Variants in DCDC2C observed in about 807,000 individuals in gnomAD.
DCDC2C encodes doublecortin domain-containing protein 2C.
In DCDC2C, 44 loss-of-function variants were observed where a neutral mutation model predicts 45.0. The observed-to-expected ratio is 0.98, with a 90% CI of 0.77 to 1.26. The LOEUF (loss-of-function observed/expected upper bound fraction) is 1.26, where lower values mean the gene tolerates loss of function less well. DCDC2C is among the 50% of genes most tolerant of loss of function. The pLI, the probability that DCDC2C is intolerant of heterozygous loss-of-function variation, is 0.00. For missense variants in DCDC2C, 447 were observed against 468.9 expected, an observed-to-expected ratio of 0.95 and a Z score of 0.43; for synonymous variants, 187 against 178.8, an observed-to-expected ratio of 1.05 and a Z score of -0.37.
At chr2:3,836,793 C>T (rs900307950) in intron 10 of DCDC2C, among the ~76,000 whole-genome samples, 5 of 146,752 alleles carry the variant, frequency 3.4e-5, no homozygotes, top group African/African-American at 7.6e-5. Flanking sequence ...ACCCGGGAGG[C>T]GGAGCTTGCA....
intron 10 of DCDC2C, among the ~76,000 whole-genome samples, chr2:3,825,841 A>C (rs992728814): frequency 6.6e-6 from 1 of 152,174 alleles, no homozygotes; most frequent in Non-Finnish European, 1.5e-5. Context: ...GTCTTGGCAA[A>C]TCATCGTTGA....
intron 2 of DCDC2C, among the ~76,000 whole-genome samples, chr2:3,723,901 A>G (rs541121030): frequency 1.3e-5 from 2 of 152,072 alleles, no homozygotes; most frequent in Admixed American, 6.6e-5. Context: ...CAGCAATTCT[A>G]TTTGAGCCAT....
chr2:3,751,097 A>G (rs565640124), intron 4 of DCDC2C, among the ~76,000 whole-genome samples: 9 of 152,166 alleles, frequency 5.9e-5, no homozygotes, highest in Non-Finnish European at 1.2e-4. Context: ...CATACCGGCA[A>G]TATCTGCCAT....
intron 2 of DCDC2C, among the ~76,000 whole-genome samples, chr2:3,723,375 G>A (rs777641375): frequency 2.0e-5 from 3 of 152,182 alleles, no homozygotes; most frequent in Non-Finnish European, 2.9e-5. Flanking sequence ...AGGAGCTGAC[G>A]TCGAAGTGAC....
intron 2 of DCDC2C, among the ~76,000 whole-genome samples, chr2:3,713,027 C>T (rs1216033826): frequency 6.6e-6 from 1 of 152,110 alleles, no homozygotes; most frequent in Non-Finnish European, 1.5e-5. Flanking sequence ...ATAAAGAGTT[C>T]AAGAAAGGTT....
intron 10 of DCDC2C, among the ~76,000 whole-genome samples, chr2:3,829,978 T>C (rs1671913606): frequency 1.3e-5 from 2 of 152,250 alleles, no homozygotes; most frequent in South Asian, 4.1e-4. Flanking sequence ...TGGAAGTGGC[T>C]GCCCTCTGTG....
At chr2:3,746,391 G>A (rs186787382) in intron 4 of DCDC2C, among the ~76,000 whole-genome samples, 73 of 152,310 alleles carry the variant, frequency 4.8e-4, no homozygotes, top group Non-Finnish European at 8.8e-4. Context: ...GGATGGGGAC[G>A]AGCACGACCC....
chr2:3,806,500 G>A (rs1428776808), intron 10 of DCDC2C, among the ~76,000 whole-genome samples: 1 of 151,936 alleles, frequency 6.6e-6, no homozygotes, highest in African/African-American at 2.4e-5. Context: ...CATTGACAAA[G>A]TGCATGAGCT....
At chr2:3,840,517 G>A (rs757650114) in intron 10 of DCDC2C, among the ~76,000 whole-genome samples, 6 of 152,300 alleles carry the variant, frequency 3.9e-5, no homozygotes, top group African/African-American at 1.2e-4. Context: ...GGCTTTCTGC[G>A]TAATAAAAGC....
chr2:3,717,916 T>C (rs11886426), intron 2 of DCDC2C, among the ~76,000 whole-genome samples: 77,285 of 152,080 alleles, frequency 0.51, 20,074 homozygotes, highest in African/African-American at 0.61. Context: ...TAGGTCTCAA[T>C]CTAACGGCCT....
At chr2:3,705,203 G>A (rs368638701) in intron 1 of DCDC2C, among the ~76,000 whole-genome samples, 1 of 152,188 alleles carries the variant, frequency 6.6e-6, no homozygotes, top group South Asian at 2.1e-4. Flanking sequence ...AATTCTTAGT[G>A]GCATTTGCAA....
At chr2:3,753,627 A>G (rs1430163502) in intron 5 of DCDC2C, among the ~76,000 whole-genome samples, 1 of 152,254 alleles carries the variant, frequency 6.6e-6, no homozygotes, top group African/African-American at 2.4e-5. Flanking sequence ...ATGGTGGAGC[A>G]GGACAGATGG....
Position 3,740,882 on chromosome 2 carries a change from A to G in DCDC2C, c.417-1038A>G, listed in dbSNP as rs183466204. Among the ~76,000 whole-genome samples, 797 of 152,350 alleles carry G rather than the reference A, an allele frequency of 5.2e-3. 7 individuals carry two copies. The highest frequency in any genetic ancestry group is 0.018 in the African/African-American group (760 of 41,580). On this transcript the variant is annotated intron_variant, in intron 3 of 10. Coordinates refer to ENST00000399143, the MANE Select transcript of DCDC2C (RefSeq NM_001287444.2). ...AAGTTATTTGCATTTAAGGAAGAAG[A>G]CAAAAAATGGCAGTAATAGTAAATT... is the stretch of plus-strand genomic sequence containing the variant.
chr2:3,777,619 A>G (rs1670381236), intron 8 of DCDC2C, among the ~76,000 whole-genome samples: 1 of 152,224 alleles, frequency 6.6e-6, no homozygotes, highest in South Asian at 2.1e-4. Context: ...CTCACCATAG[A>G]GTTTTATTCA....
intron 2 of DCDC2C, among the ~76,000 whole-genome samples, chr2:3,710,866 G>T (rs1668189596): frequency 6.6e-6 from 1 of 152,108 alleles, no homozygotes; most frequent in Non-Finnish European, 1.5e-5. Context: ...ACCACTAATG[G>T]GCACAAGGTT....
chr2:3,805,356 G>A lies in DCDC2C; in HGVS notation c.1065+20256G>A, dbSNP rs111424890. ...AAAGGCTCAGAGTGTGATTGACAAT[G>A]GATAGGATTGACAGCGGATAGGAGG... is the stretch of plus-strand genomic sequence containing the variant. On this transcript the variant is annotated intron_variant, in intron 10 of 10. Coordinates refer to ENST00000399143, the MANE Select transcript of DCDC2C (RefSeq NM_001287444.2). Among the ~76,000 whole-genome samples, 1,390 of 152,308 alleles carry A rather than the reference G, an allele frequency of 9.1e-3. 17 individuals carry two copies. Among genetic ancestry groups the A allele is most frequent in the African/African-American group, 0.032 (1,326 of 41,564 alleles).
chr2:3,766,310 GCACACACACACA>G (rs61471003), intron 6 of DCDC2C, among the ~76,000 whole-genome samples: 52 of 146,154 alleles, frequency 3.6e-4, no homozygotes, highest in African/African-American at 1.3e-3. Context: ...ACACACACAC[GCACACACACACA>G]CACACACACA....
intron 6 of DCDC2C, among the ~76,000 whole-genome samples, chr2:3,765,391 G>T (rs747854671): frequency 3.9e-5 from 6 of 152,206 alleles, no homozygotes; most frequent in Non-Finnish European, 7.3e-5. Flanking sequence ...CTTGAGCTGG[G>T]GTTTGGAGGA....
At chr2:3,788,790 C>CT (rs796581820) in intron 10 of DCDC2C, among the ~76,000 whole-genome samples, 2 of 131,954 alleles carry the variant, frequency 1.5e-5, no homozygotes, top group Non-Finnish European at 3.2e-5. Context: ...CCCTTTCTTC[C>CT]TCCCTTCCTT....
Sources: gnomAD v4.1 joint callset for allele counts (sites outside exome capture counted in the v4.1 genomes callset) on GRCh38, gnomAD v4.1.1 for gene constraint, MANE v1.5 for transcripts, NCBI Gene and HGNC (gene_info 2026-07-23, HGNC 2026-07-21) for gene names.